The following MCF2L2 variants were observed in gnomAD, a reference collection of about 807,000 sequenced individuals.
MCF2L2 encodes MCF.2 cell line derived transforming sequence-like 2.
In MCF2L2, 102 loss-of-function variants were observed where a neutral mutation model predicts 150.2. The observed-to-expected ratio is 0.68, with a 90% CI of 0.58 to 0.80. The LOEUF (loss-of-function observed/expected upper bound fraction) is 0.80, where lower values mean the gene tolerates loss of function less well. Among genes scored for constraint, MCF2L2 ranks in the 30% least tolerant of loss-of-function variants. The pLI, the probability that MCF2L2 is intolerant of heterozygous loss-of-function variation, is 0.00. For synonymous variants in MCF2L2, 465 were observed against 491.3 expected (o/e 0.95, Z 0.71); for missense variants, 1,256 against 1,372.8 (o/e 0.91, Z 1.34).
At chr3:183,308,306 A>G (rs1729200952) in intron 10 of MCF2L2, among the ~76,000 whole-genome samples, 1 of 152,176 alleles carries the variant, frequency 6.6e-6, no homozygotes, top group South Asian at 2.1e-4. Context: ...TTGATGAGGC[A>G]CTTTTTCTTA....
At chr3:183,373,904 G>A (rs186986597) in intron 3 of MCF2L2, 1 of 152,134 alleles carries the variant, frequency 6.6e-6, no homozygotes, top group African/African-American at 2.4e-5. Context: ...AGTAATACGA[G>A]ATAATTGTAA....
At chr3:183,209,097 C>T (rs1722597517) in intron 22 of MCF2L2, among the ~76,000 whole-genome samples, 1 of 152,224 alleles carries the variant, frequency 6.6e-6, no homozygotes, top group South Asian at 2.1e-4. Flanking sequence ...CATTCCAAAA[C>T]AGAAGGGTGG....
intron 6 of MCF2L2, among the ~76,000 whole-genome samples, chr3:183,318,918 A>G (rs1336752873): frequency 2.6e-5 from 4 of 152,224 alleles, no homozygotes; most frequent in Non-Finnish European, 4.4e-5. Context: ...TCTTGCCTCA[A>G]TGTGGATGGC....
chr3:183,398,525 T>C (rs1714581156), intron 1 of MCF2L2, among the ~76,000 whole-genome samples: 1 of 151,036 alleles, frequency 6.6e-6, no homozygotes, highest in African/African-American at 2.4e-5. Flanking sequence ...ATATAATATA[T>C]TTATAATCAT....
intron 27 of MCF2L2, among the ~76,000 whole-genome samples, chr3:183,184,207 A>G (rs551701623): frequency 6.6e-6 from 1 of 152,258 alleles, no homozygotes; most frequent in Admixed American, 6.5e-5. Flanking sequence ...TAGTAGAGAC[A>G]GGGTTTCACC....
At chr3:183,413,674 G>A (rs1051231534) in intron 1 of MCF2L2, among the ~76,000 whole-genome samples, 2 of 152,240 alleles carry the variant, frequency 1.3e-5, no homozygotes, top group African/African-American at 4.8e-5. Context: ...AAGCCCTGCA[G>A]TAGTCTGTAA....
intron 25 of MCF2L2, among the ~76,000 whole-genome samples, chr3:183,199,858 T>G (rs141359755): frequency 6.8e-6 from 1 of 147,114 alleles, no homozygotes; most frequent in Admixed American, 6.8e-5. Flanking sequence ...TTCCCACCTA[T>G]GAGTGAGAAC....
chr3:183,193,600 T>C (rs1051047952), intron 26 of MCF2L2, among the ~76,000 whole-genome samples: 6 of 152,160 alleles, frequency 3.9e-5, no homozygotes, highest in Admixed American at 3.3e-4. Context: ...CCGCCCGCCT[T>C]GGCCTCCCAA....
chr3:183,350,393 G>GT (rs1205361620), intron 3 of MCF2L2, among the ~76,000 whole-genome samples: 1 of 151,856 alleles, frequency 6.6e-6, no homozygotes, highest in African/African-American at 2.4e-5. Flanking sequence ...TCTGGCCAAT[G>GT]TATTTCTTAA....
rs1730705859 is a variant in MCF2L2, at chr3:183,341,751, G to GA, written c.276-122_276-121insT. 6.0e-6 allele frequency: 4 copies of GA among 664,070 alleles called. No homozygotes were observed. In the South Asian group the frequency reaches 6.7e-5, roughly 11 times the overall value. 41.1% of individuals were successfully genotyped at this position (664,070 alleles called of 1,614,324 possible). ...TCCAGGCTCACCGTGTAAACACCCT[G>GA]CACAGCACAACCAACTCCCTCTCCC... On this transcript the variant is annotated intron_variant, in intron 3 of 29. Coordinates refer to ENST00000328913, the MANE Select transcript of MCF2L2 (RefSeq NM_015078.4).
In MCF2L2 at chr3:183,202,670, T is replaced by C. The variant is rs376475906; in HGVS notation, c.2884+3206A>G. On this transcript the variant is annotated intron_variant, in intron 25 of 29. Transcript: ENST00000328913. The stretch of plus-strand genomic sequence containing the variant: ...GTCATTAGTATTTAGATCACTAAGC[T>C]AACTGAACAGAGGCTTCAATGGCTG... Among the ~76,000 whole-genome samples the C allele has an allele frequency of 1.8e-4, 27 of 152,344 alleles. No individual in the cohort carries two copies. The East Asian group carries it at 2.3e-3, about 13-fold the overall frequency.
intron 21 of MCF2L2, among the ~76,000 whole-genome samples, chr3:183,218,306 C>G (rs1723018873): frequency 6.6e-6 from 1 of 152,212 alleles, no homozygotes; most frequent in South Asian, 2.1e-4. Context: ...AAAACAGACT[C>G]TCACCTGAAT....
At chr3:183,343,247 C>T (rs1008669084) in intron 3 of MCF2L2, among the ~76,000 whole-genome samples, 2 of 152,088 alleles carry the variant, frequency 1.3e-5, no homozygotes, top group Non-Finnish European at 1.5e-5. Flanking sequence ...TCCAGAGAGA[C>T]TTAAGACCTT....
At chr3:183,289,317 G>A (rs1727985180) in intron 13 of MCF2L2, 97 bp from the exon 14 acceptor site, 2 of 779,128 alleles carry the variant, frequency 2.6e-6, no homozygotes, top group African/African-American at 1.7e-5. Flanking sequence ...ACGTCAATGT[G>A]GCTAACTATA....
At chr3:183,372,891 T>G (rs1413934676) in intron 3 of MCF2L2, 1 of 152,224 alleles carries the variant, frequency 6.6e-6, no homozygotes, top group Non-Finnish European at 1.5e-5. Context: ...CAAATGTTGA[T>G]TTGTAGGACC....
chr3:183,383,518 C>T (rs143790631), intron 2 of MCF2L2, among the ~76,000 whole-genome samples: 386 of 152,104 alleles, frequency 2.5e-3, no homozygotes, highest in African/African-American at 8.9e-3. Context: ...TGATTACAGG[C>T]GTAAGCCACC....
intron 1 of MCF2L2, among the ~76,000 whole-genome samples, chr3:183,398,097 A>T (rs1475225148): frequency 6.6e-6 from 1 of 152,218 alleles, no homozygotes; most frequent in Non-Finnish European, 1.5e-5. Context: ...GAGATGGCTA[A>T]CTGCCCATCA....
chr3:183,233,854 G>A (rs1370884254), intron 15 of MCF2L2, among the ~76,000 whole-genome samples: 1 of 152,022 alleles, frequency 6.6e-6, no homozygotes. Flanking sequence ...CTATTTGATA[G>A]ATATAAATAA....
chr3:183,181,505 C>T lies in MCF2L2; in HGVS notation c.3017-1346G>A, dbSNP rs545929993. On this transcript the variant is annotated intron_variant, in intron 27 of 29. Transcript: ENST00000328913. This position sits in a 1 kb window ranked among gnomAD's most constrained non-coding sequence, Gnocchi z 4.3. ...GAGGAGAAACTGCCTCAGGGATGTG[C>T]CCCCTGCCTTCATCCTCCAGACAGG... Among the ~76,000 whole-genome samples, 8 of 152,206 alleles carry T rather than the reference C, an allele frequency of 5.3e-5. No individual in the cohort carries two copies. The highest frequency in any genetic ancestry group is 1.9e-4 in the African/African-American group (8 of 41,524).
Sources: allele counts gnomAD v4.1 joint callset (sites outside exome capture counted in the v4.1 genomes callset), GRCh38; gene constraint gnomAD v4.1.1; non-coding constraint Gnocchi (gnomAD v3.1); transcripts MANE v1.5; gene names NCBI Gene and HGNC (gene_info 2026-07-23, HGNC 2026-07-21).